RNF38: variants seen among roughly 807,000 people sequenced by gnomAD.
RNF38 encodes the protein ring finger protein 38.
RNF38 carries 15 observed loss-of-function variants against 67.2 expected under a neutral mutation model. The ratio of observed to expected loss-of-function variants is 0.22; its 90% CI spans 0.15 to 0.34. The LOEUF is 0.34. Ranked by LOEUF, RNF38 falls within the 10% of genes least tolerant of loss-of-function variation. The pLI, the probability that RNF38 is intolerant of heterozygous loss-of-function variation, is 1.00. For synonymous variants in RNF38, 220 were observed against 218.8 expected, an observed-to-expected ratio of 1.01 and a Z score of -0.05; for missense variants, 524 against 639.9, an observed-to-expected ratio of 0.82 and a Z score of 1.95.
intron 2 of RNF38, among the ~76,000 whole-genome samples, chr9:36,382,075 A>G (rs879726560): frequency 6.6e-6 from 1 of 152,196 alleles, no homozygotes; most frequent in Non-Finnish European, 1.5e-5. Context: ...TGATGCTTGG[A>G]TAATTTAGAT....
At chr9:36,440,247 A>G (rs780833110) in intron 1 of RNF38, among the ~76,000 whole-genome samples, 1 of 152,198 alleles carries the variant, frequency 6.6e-6, no homozygotes, top group African/African-American at 2.4e-5. Flanking sequence ...CTCTGCCTCA[A>G]AAAAAGAAAA....
chr9:36,399,212 A>G (rs1184861849), intron 1 of RNF38, among the ~76,000 whole-genome samples: 2 of 152,210 alleles, frequency 1.3e-5, no homozygotes, highest in Non-Finnish European at 2.9e-5. Context: ...AAGCCCAACA[A>G]GTATGGAAAT....
chr9:36,448,011 T>C (rs1839348673), intron 1 of RNF38, among the ~76,000 whole-genome samples: 1 of 152,222 alleles, frequency 6.6e-6, no homozygotes, highest in African/African-American at 2.4e-5. Context: ...GAAGCCTACA[T>C]GCAGCTCTGC....
chr9:36,484,861 G>A (rs1237912463), intron 1 of RNF38, among the ~76,000 whole-genome samples: 3 of 152,118 alleles, frequency 2.0e-5, no homozygotes, highest in Non-Finnish European at 2.9e-5. Flanking sequence ...CAACTGTATG[G>A]GTCTATCTAA....
At chr9:36,413,204 T>C (rs1287936714) in intron 2 of RNF38, among the ~76,000 whole-genome samples, 1 of 150,562 alleles carries the variant, frequency 6.6e-6, no homozygotes, top group Non-Finnish European at 1.5e-5. Flanking sequence ...CACTCCAGCC[T>C]GGGCAACAGA....
chr9:36,427,657 C>CTCTATCTATCTATCTA (rs146556210), intron 1 of RNF38, among the ~76,000 whole-genome samples: 247 of 147,178 alleles, frequency 1.7e-3, no homozygotes, highest in Non-Finnish European at 1.9e-3. Context: ...ATTTCCCAGC[C>CTCTATCTATCTATCTA]TCTATCTATC....
intron 6 of RNF38, among the ~76,000 whole-genome samples, chr9:36,355,943 T>C (rs148520784): frequency 6.6e-6 from 1 of 152,114 alleles, no homozygotes; most frequent in East Asian, 1.9e-4. Context: ...GCCTCCTGGA[T>C]TCAAGCGATT....
intron 1 of RNF38, among the ~76,000 whole-genome samples, chr9:36,468,068 T>G (rs952745341): frequency 2.6e-5 from 4 of 151,908 alleles, no homozygotes; most frequent in African/African-American, 7.3e-5. Context: ...CACAGCAAGA[T>G]TCCACCTCTA....
intron 1 of RNF38, among the ~76,000 whole-genome samples, chr9:36,433,641 T>C (rs1235338389): frequency 8.9e-5 from 13 of 146,636 alleles, no homozygotes; most frequent in Non-Finnish European, 1.8e-4. Context: ...AAGCTGAGAC[T>C]GTGCCACTAC....
At chr9:36,366,576 A>G (rs1834982716) in intron 4 of RNF38, among the ~76,000 whole-genome samples, 1 of 152,254 alleles carries the variant, frequency 6.6e-6, no homozygotes, top group Non-Finnish European at 1.5e-5. Flanking sequence ...TTCTATCAGT[A>G]TAATCAGTTT....
intron 2 of RNF38, among the ~76,000 whole-genome samples, chr9:36,385,275 G>C: frequency 6.6e-6 from 1 of 152,050 alleles, no homozygotes; most frequent in East Asian, 1.9e-4. Context: ...CAGCTCAGTG[G>C]GTGGACCAAG....
At chr9:36,468,380 T>A (rs1379939120) in intron 1 of RNF38, among the ~76,000 whole-genome samples, 1 of 152,180 alleles carries the variant, frequency 6.6e-6, no homozygotes, top group Non-Finnish European at 1.5e-5. Flanking sequence ...TATTCTGACC[T>A]CCTTCTCTGG....
At chr9:36,477,075 G>C (rs1054038485) in intron 1 of RNF38, among the ~76,000 whole-genome samples, 1 of 152,040 alleles carries the variant, frequency 6.6e-6, no homozygotes, top group African/African-American at 2.4e-5. Flanking sequence ...TGTAATCCCA[G>C]CACTTTGGGG....
At chr9:36,459,597 T>C (rs1267156924) in intron 1 of RNF38, among the ~76,000 whole-genome samples, 1 of 152,166 alleles carries the variant, frequency 6.6e-6, no homozygotes, top group African/African-American at 2.4e-5. Context: ...ACCCTGGATA[T>C]GTGAGTGTGC....
chr9:36,453,039 C>T lies in RNF38; in HGVS notation n.242-28356G>A, dbSNP rs183350726. On this transcript the variant is annotated intron_variant and non_coding_transcript_variant, in intron 1 of 3. Coordinates refer to the RNF38 transcript ENST00000488058. ...CTAGGAGTGGAACTGCTGGGTCACA[C>T]AGTAATTCTATATTAAACTTTTTGA... Among the ~76,000 whole-genome samples, 34 of 152,178 alleles carry T rather than the reference C, an allele frequency of 2.2e-4. 1 individual carries two copies. In the East Asian group the frequency reaches 6.6e-3, roughly 29 times the overall value.
intron 2 of RNF38, among the ~76,000 whole-genome samples, chr9:36,382,465 T>C (rs1836282682): frequency 6.6e-6 from 1 of 152,188 alleles, no homozygotes; most frequent in South Asian, 2.1e-4. Context: ...TAAGAATGCA[T>C]TCCATAATTC....
In RNF38 at chr9:36,352,676, T is replaced by C. The variant is rs1833785080; in HGVS notation, c.1178+66A>G. The C allele has an allele frequency of 2.6e-6, 3 of 1,172,642 alleles. No homozygotes were observed. The African/African-American group carries it at 4.5e-5, about 18-fold the overall frequency. 72.6% of individuals were successfully genotyped at this position (1,172,642 alleles called of 1,614,324 possible). A position where few individuals can be genotyped will look rare whatever the true frequency, so the allele number is the denominator to read the frequency against. The stretch of plus-strand genomic sequence containing the variant: ...CCAAAAGCTATAGACACAAAGACAT[T>C]CACAAAGGAAAGAGAATCTCAAGAG... On this transcript the variant is annotated intron_variant, in intron 8 of 11. Transcript: ENST00000259605.
intron 1 of RNF38, among the ~76,000 whole-genome samples, chr9:36,459,307 G>C (rs1217754384): frequency 6.6e-6 from 1 of 152,070 alleles, no homozygotes; most frequent in Non-Finnish European, 1.5e-5. Flanking sequence ...CTAGGGTAAA[G>C]GGCCTTTCAG....
intron 3 of RNF38, among the ~76,000 whole-genome samples, chr9:36,372,773 A>G (rs1279177758): frequency 6.6e-6 from 1 of 152,198 alleles, no homozygotes; most frequent in Non-Finnish European, 1.5e-5. Context: ...TCATCTGTAA[A>G]CAGACATTTC....
Sources: gnomAD v4.1 joint callset for allele counts (sites outside exome capture counted in the v4.1 genomes callset) on GRCh38, gnomAD v4.1.1 for gene constraint, MANE v1.5 for transcripts, NCBI Gene and HGNC (gene_info 2026-07-23, HGNC 2026-07-21) for gene names.